The following RNFT1 variants were observed in gnomAD, a reference collection of about 807,000 sequenced individuals.
RNFT1 encodes ring finger protein, transmembrane 1.
Under a neutral mutation model 53.2 loss-of-function variants are expected in RNFT1, and 35 were observed. That is an observed-to-expected ratio of 0.66 (90% CI 0.50 to 0.87). The LOEUF (loss-of-function observed/expected upper bound fraction) is 0.87. RNFT1 is among the 40% of genes least tolerant of loss of function. RNFT1 has a pLI of 0.00. For synonymous variants in RNFT1, 141 were observed against 172.8 expected (o/e 0.82, Z 1.44); for missense variants, 421 against 515.0 (o/e 0.82, Z 1.77).
chr17:59,958,462 T>G lies in RNFT1; in HGVS notation c.693-18A>C. On this transcript the variant is annotated intron_variant, in intron 4 of 8. Coordinates refer to ENST00000305783, the MANE Select transcript of RNFT1 (RefSeq NM_016125.4). Reference sequence around the variant, plus strand: ...AAATTAAGCTACCAAAAGAAAAACATCAAAATTTATCAGAGCAACATACAA... The same window carrying G: ...AAATTAAGCTACCAAAAGAAAAACAGCAAAATTTATCAGAGCAACATACAA... 2.0e-6 allele frequency: 3 copies of G among 1,524,830 alleles called. No homozygotes were observed. The highest frequency in any genetic ancestry group is 2.7e-6 in the Non-Finnish European group (3 of 1,129,256). 94.5% of individuals were successfully genotyped at this position (1,524,830 alleles called of 1,614,324 possible).
intron 4 of RNFT1, 51 bp from the exon 5 acceptor site, chr17:59,958,495 G>A (rs2145117221): frequency 7.4e-7 from 1 of 1,351,876 alleles, no homozygotes. Context: ...CAAAGATAAA[G>A]TATTAATAAA....
At chr17:59,959,459 T>TA (rs1389283465) in intron 4 of RNFT1, 1 of 152,272 alleles carries the variant, frequency 6.6e-6, no homozygotes, top group East Asian at 1.9e-4. Context: ...TGTCATTTAG[T>TA]AAGTGTTCTT....
At position 59,953,081 on chromosome 17, in the gene RNFT1, A is replaced by G. The variant is rs200047998; in HGVS notation, c.1204T>C (p.Trp402Arg). The change falls in exon 9 of 9, where the codon TGG becomes CGG. Residue 402 changes from tryptophan to arginine, a missense_variant. By Grantham distance (101) the Trp-to-Arg change is moderately radical. Coordinates refer to ENST00000305783, the MANE Select transcript of RNFT1 (RefSeq NM_016125.4). ...HIFCEECMTLWFNREKTCPLC... is the reference protein window; with the variant it reads ...HIFCEECMTLRFNREKTCPLC... ...GGACATGTTTTCTCTCTGTTAAACC[A>G]TAAGGTCATGCACTCTTCACAAAAT... 219 of 1,611,060 alleles carry G rather than the reference A, an allele frequency of 1.4e-4. No individual in the cohort carries two copies. The highest frequency in any genetic ancestry group is 8.5e-6 in the Non-Finnish European group (10 of 1,177,324).
In RNFT1 at chr17:59,963,036, C is replaced by A. The variant is rs1307667887; in HGVS notation, c.305G>T (p.Gly102Val). The change falls in exon 2 of 9, where the codon GGT becomes GTT. Residue 102 changes from glycine (G) to valine (V), a missense_variant. Transcript: ENST00000305783. ...ACATCCATGGGCACAGCTATGGACACCTGACCTTATATTTCTGGAGCTTGC... is the reference window on the plus strand; with the variant it reads ...ACATCCATGGGCACAGCTATGGACAACTGACCTTATATTTCTGGAGCTTGC... ...ENASSRNIRS[G>V]VHSCAHGCVH... 6.2e-7 allele frequency: 1 copy of A among 1,614,074 alleles called. No individual in the cohort carries two copies. The highest frequency in any genetic ancestry group is 8.5e-7 in the Non-Finnish European group (1 of 1,180,044).
intron 1 of RNFT1, 88 bp downstream of exon 1, chr17:59,964,519 TC>T: frequency 8.1e-7 from 1 of 1,242,122 alleles, no homozygotes; most frequent in Non-Finnish European, 1.1e-6. Context: ...TCCACCCACG[TC>T]CGAGCCTCGA....
intron 8 of RNFT1, 114 bp from the exon 9 acceptor site, chr17:59,953,225 T>C (rs182433059): frequency 1.7e-4 from 140 of 844,884 alleles, no homozygotes; most frequent in Non-Finnish European, 2.2e-4. Context: ...GACTGAAGTC[T>C]TGCTCTGTCA....
Position 59,960,153 on chromosome 17 carries a change from T to G in RNFT1, c.607A>C (p.Ile203Leu). 6.2e-7 allele frequency: 1 copy of G among 1,605,012 alleles called. No homozygotes were observed. The highest frequency in any genetic ancestry group is 8.5e-7 in the Non-Finnish European group (1 of 1,177,180). Reference sequence around the variant, plus strand: ...AATACCAGTAACCAAGCACACTGAATCTTTGAGGACCTTTCCTGAAAGATA... The same window carrying G: ...AATACCAGTAACCAAGCACACTGAAGCTTTGAGGACCTTTCCTGAAAGATA... ...QVFLRERSSK[I>L]QCAWLLVFLA... The change falls in exon 4 of 9, where the codon ATT becomes CTT. Residue 203 changes from isoleucine to leucine, a missense_variant. Physicochemically the swap from Ile to Leu is conservative, Grantham distance 5. Coordinates refer to ENST00000305783, the MANE Select transcript of RNFT1 (RefSeq NM_016125.4).
At chr17:59,961,184 G>A (rs952091233) in intron 3 of RNFT1, among the ~76,000 whole-genome samples, 4 of 151,770 alleles carry the variant, frequency 2.6e-5, no homozygotes, top group Admixed American at 6.6e-5. Context: ...TTACAGGCAC[G>A]TGCCACCACG....
chr17:59,963,929 C>G (rs888545908), intron 1 of RNFT1, among the ~76,000 whole-genome samples: 1 of 152,078 alleles, frequency 6.6e-6, no homozygotes, highest in Non-Finnish European at 1.5e-5. Flanking sequence ...ACATTTAAAG[C>G]ATAGATACTT....
Position 59,964,689 on chromosome 17 carries a change from G to C in RNFT1, c.-26C>G, listed in dbSNP as rs746618504. ...ACACCGCCTCCAGCCCTTCAGTCGG[G>C]GCCATCAACCGCAAACCCCGCAAGC... On this transcript the variant is annotated 5_prime_UTR_variant, in exon 1 of 9. Coordinates refer to ENST00000305783, the MANE Select transcript of RNFT1 (RefSeq NM_016125.4). 19 of 1,588,394 alleles carry C rather than the reference G, an allele frequency of 1.2e-5. No individual in the cohort carries two copies. Among genetic ancestry groups the C allele is most frequent in the Non-Finnish European group, 1.6e-5 (19 of 1,167,600 alleles).
At chr17:59,964,547 G>A in intron 1 of RNFT1, 61 bp downstream of exon 1, 4 of 1,517,258 alleles carry the variant, frequency 2.6e-6, no homozygotes, top group Middle Eastern at 1.7e-4. Flanking sequence ...ATTCTCCCCA[G>A]AGCCCCCTGC....
chr17:59,957,796 G>T (rs903995090), intron 5 of RNFT1, among the ~76,000 whole-genome samples: 1 of 152,090 alleles, frequency 6.6e-6, no homozygotes, highest in Non-Finnish European at 1.5e-5. Flanking sequence ...AGTGAGCCAA[G>T]ATCACACCAC....
rs1394583564 is a variant in RNFT1, at chr17:59,953,209, G to T, written c.1174-98C>A. The T allele has an allele frequency of 8.9e-6, 8 of 900,148 alleles. No individual in the cohort carries two copies. In the Admixed American group the frequency reaches 2.0e-4, roughly 23 times the overall value. The allele number at this position is 900,148 out of a possible 1,614,324, so 55.8% of individuals were successfully genotyped here. A position where few individuals can be genotyped will look rare whatever the true frequency, so the allele number is the denominator to read the frequency against. ...GGGATTCTTTTTTTTTTTTTTTTGA[G>T]ATGGAGACTGAAGTCTTGCTCTGTC... On this transcript the variant is annotated intron_variant, in intron 8 of 8. Coordinates refer to ENST00000305783, the MANE Select transcript of RNFT1 (RefSeq NM_016125.4).
chr17:59,960,424 C>T (rs11079391), intron 3 of RNFT1, among the ~76,000 whole-genome samples: 5,171 of 114,592 alleles, frequency 0.045, 357 homozygotes, highest in African/African-American at 0.16. Context: ...TTCAAAGAAG[C>T]CAAGTCTTCT....
intron 6 of RNFT1, 78 bp downstream of exon 6, chr17:59,957,146 T>C: frequency 1.4e-6 from 2 of 1,394,718 alleles, no homozygotes; most frequent in Non-Finnish European, 2.0e-6. Flanking sequence ...ATAAAACTGT[T>C]AAAAGAGGAA....
intron 3 of RNFT1, among the ~76,000 whole-genome samples, chr17:59,961,930 C>T (rs1462079155): frequency 4.6e-5 from 6 of 129,094 alleles, no homozygotes; most frequent in Admixed American, 2.6e-4. Context: ...CTGTAGCCCA[C>T]GCTGGAGTGC....
intron 8 of RNFT1, among the ~76,000 whole-genome samples, chr17:59,953,720 G>A (rs1050458890): frequency 2.0e-5 from 3 of 152,276 alleles, no homozygotes; most frequent in African/African-American, 7.2e-5. Context: ...CTGCCATAAA[G>A]TATAGGAAAG....
rs201932517 is a variant in RNFT1 at position 59,963,037 on chromosome 17, C to G, written c.304G>C (p.Gly102Arg). 6.2e-7 allele frequency: 1 copy of G among 1,614,172 alleles called. No individual in the cohort carries two copies. Among genetic ancestry groups the G allele is most frequent in the Non-Finnish European group, 8.5e-7 (1 of 1,180,046 alleles). Residue 102 changes from glycine to arginine, a missense_variant, in exon 2 of 9, where the codon GGT (glycine) becomes CGT (arginine). Coordinates refer to ENST00000305783, the MANE Select transcript of RNFT1 (RefSeq NM_016125.4). ...CATCCATGGGCACAGCTATGGACAC[C>G]TGACCTTATATTTCTGGAGCTTGCA... Reference protein sequence around the residue: ...ENASSRNIRSGVHSCAHGCVH... With the variant: ...ENASSRNIRSRVHSCAHGCVH...
At chr17:59,954,278 ATC>A (rs199982924) in intron 7 of RNFT1, 132 bp from the exon 8 acceptor site, 9,630 of 641,580 alleles carry the variant, frequency 0.015, 155 homozygotes, top group South Asian at 0.047. Flanking sequence ...GGATACAAAC[ATC>A]TCAAAGCTGA....
Sources: gnomAD v4.1 joint callset for allele counts (sites outside exome capture counted in the v4.1 genomes callset) on GRCh38, gnomAD v4.1.1 for gene constraint, MANE v1.5 for transcripts, NCBI Gene and HGNC (gene_info 2026-07-23, HGNC 2026-07-21) for gene names.